Variants in RSRP1 observed in about 807,000 individuals in gnomAD.
The protein encoded by RSRP1 is arginine and serine rich protein 1, also known as arginine/serine-rich protein 1.
RSRP1 carries 37 observed loss-of-function variants against 33.0 expected under a neutral mutation model. That is an observed-to-expected ratio of 1.12 (90% CI 0.86 to 1.48). The LOEUF (loss-of-function observed/expected upper bound fraction) is 1.48. Among genes scored for constraint, RSRP1 ranks in the 40% most tolerant of loss-of-function variants. RSRP1 has a pLI of 0.00. For synonymous variants in RSRP1, 167 were observed against 158.7 expected, an observed-to-expected ratio of 1.05 and a Z score of -0.40; for missense variants, 402 against 385.3, an observed-to-expected ratio of 1.04 and a Z score of -0.36.
At chr1:25,330,854 T>G (rs1164970591) in intron 1 of RSRP1, among the ~76,000 whole-genome samples, 1 of 129,514 alleles carries the variant, frequency 7.7e-6, no homozygotes, top group African/African-American at 2.6e-5. Context: ...GCAAGGTTGG[T>G]TTCTGGTGAG....
intron 1 of RSRP1, chr1:25,253,476 C>T (rs781317221): frequency 6.6e-6 from 1 of 152,236 alleles, no homozygotes; most frequent in African/African-American, 2.4e-5. Flanking sequence ...ATTTTCCTGA[C>T]TCAGCCTCCC....
intron 1 of RSRP1, among the ~76,000 whole-genome samples, chr1:25,286,426 G>A (rs1257142085): frequency 7.4e-6 from 1 of 134,408 alleles, no homozygotes; most frequent in Non-Finnish European, 1.8e-5. Context: ...TGAGGTTGAG[G>A]CTGAGTGAGC....
chr1:25,303,393 G>A lies in RSRP1; in HGVS notation c.-67+34585C>T, dbSNP rs757342691. The A allele has an allele frequency of 1.3e-5, 18 of 1,378,668 alleles. 4 individuals carry two copies. The highest frequency in any genetic ancestry group is 7.1e-5 in the African/African-American group (5 of 70,254). The allele number at this position is 1,378,668 out of a possible 1,614,324, so 85.4% of individuals were successfully genotyped here. A position where few individuals can be genotyped will look rare whatever the true frequency, so the allele number is the denominator to read the frequency against. On this transcript the variant is annotated intron_variant, in intron 1 of 1. Transcript: ENST00000561867. ...CCTCGTGTCACCTGATCCCTTCTCC[G>A]TGGCTTGCCATGGTGCTGGGTCTTG... is the stretch of plus-strand genomic sequence containing the variant.
rs1315260888 is a variant in RSRP1 at position 25,272,828 on chromosome 1, C to T, written c.-66-25799G>A. The T allele has an allele frequency of 1.4e-5, 16 of 1,138,586 alleles. 2 individuals are homozygous for T. The highest frequency in any genetic ancestry group is 6.0e-5 in the Admixed American group (3 of 50,052). 70.5% of individuals were successfully genotyped at this position (1,138,586 alleles called of 1,614,324 possible). On this transcript the variant is annotated intron_variant, in intron 1 of 1. Transcript: ENST00000561867. Reference sequence around the variant, plus strand: ...GGAAAAAGATTCCCCCATCTTCTTCCGTAGATTGCACCGAAATTCAGCCAA... The same window carrying T: ...GGAAAAAGATTCCCCCATCTTCTTCTGTAGATTGCACCGAAATTCAGCCAA...
At chr1:25,315,748 G>C (rs1465695363) in intron 1 of RSRP1, among the ~76,000 whole-genome samples, 1 of 129,766 alleles carries the variant, frequency 7.7e-6, no homozygotes, top group African/African-American at 2.6e-5. Context: ...TGCCCGCCTC[G>C]GCCTCCCAAA....
At chr1:25,254,897 G>A (rs1439701775) in intron 1 of RSRP1, among the ~76,000 whole-genome samples, 1 of 152,186 alleles carries the variant, frequency 6.6e-6, no homozygotes, top group Non-Finnish European at 1.5e-5. Context: ...GAACCGATTG[G>A]TGCCTCTGTG....
In RSRP1 at chr1:25,330,953, CTTTTTTTTTTTT is replaced by C. The variant is rs71014353; in HGVS notation, c.-67+7013_-67+7024del. 1.5e-3 allele frequency among the ~76,000 whole-genome samples: 52 copies of C among 34,726 alleles called. No homozygotes were observed. The East Asian group carries it at 0.031, about 21-fold the overall frequency. The allele number at this position is 34,726 out of a possible 152,430, so 22.8% of individuals were successfully genotyped here. On this transcript the variant is annotated intron_variant, in intron 1 of 1. Coordinates refer to the RSRP1 transcript ENST00000561867. ...CTTTTACACTTCTGGTGTCATCTTCCTTTTTTTTTTTTTTTTTTTTTTTTTTTTGAGACAGAG... is the reference window on the plus strand; with the variant it reads ...CTTTTACACTTCTGGTGTCATCTTCCTTTTTTTTTTTTTTTTGAGACAGAG...
chr1:25,279,823 T>C lies in RSRP1; in HGVS notation c.-66-32794A>G, dbSNP rs599697. On this transcript the variant is annotated intron_variant, in intron 1 of 1. Transcript: ENST00000561867. The stretch of plus-strand genomic sequence containing the variant: ...GTAGAATGTACAATTCCCCTCTGGG[T>C]CCAGGCATGGGCGCCCGGGTAGCAC... Among the ~76,000 whole-genome samples, 23 of 130,614 alleles carry C rather than the reference T, an allele frequency of 1.8e-4. 2 individuals are homozygous for C. The highest frequency in any genetic ancestry group is 4.7e-4 in the South Asian group (2 of 4,300). 85.7% of individuals were successfully genotyped at this position (130,614 alleles called of 152,430 possible). A position where few individuals can be genotyped will look rare whatever the true frequency, so the allele number is the denominator to read the frequency against.
rs778436939 is a variant in RSRP1 at position 25,299,509 on chromosome 1, C to T, written c.-67+38469G>A. Among the ~76,000 whole-genome samples the T allele has an allele frequency of 2.5e-4, 33 of 131,944 alleles. 7 individuals carry two copies. The highest frequency in any genetic ancestry group is 1.7e-3 in the Admixed American group (23 of 13,594). 86.6% of individuals were successfully genotyped at this position (131,944 alleles called of 152,430 possible). ...CACCCAGGGTGGACTACTCCCTCCA[C>T]CCTGCCCTTGTTACACCCTGGCTGG... On this transcript the variant is annotated intron_variant, in intron 1 of 1. Coordinates refer to the RSRP1 transcript ENST00000561867.
chr1:25,271,753 T>A (rs1180987151), intron 1 of RSRP1, among the ~76,000 whole-genome samples: 1 of 131,560 alleles, frequency 7.6e-6, no homozygotes, highest in East Asian at 2.0e-4. Context: ...CTGAGGCTGG[T>A]GGCCTTCCTC....
chr1:25,277,104 C>T (rs1485170489), intron 1 of RSRP1, among the ~76,000 whole-genome samples: 2 of 132,024 alleles, frequency 1.5e-5, no homozygotes, highest in Non-Finnish European at 3.6e-5. Flanking sequence ...AACATAAAAC[C>T]CTGCCATTAG....
At chr1:25,249,100 G>C (rs185375534), upstream of RSRP1, among the ~76,000 whole-genome samples, 21 of 152,268 alleles carry the variant, frequency 1.4e-4, no homozygotes, top group Admixed American at 5.9e-4. Flanking sequence ...AGTGAGCTGA[G>C]ATTGCAACAC....
chr1:25,255,658 AAT>A (rs1234664048), intron 1 of RSRP1, among the ~76,000 whole-genome samples: 1 of 152,178 alleles, frequency 6.6e-6, no homozygotes, highest in East Asian at 1.9e-4. Flanking sequence ...TATATAATAA[AAT>A]AGTTATACAA....
chr1:25,282,074 G>A lies in RSRP1; in HGVS notation c.-66-35045C>T, dbSNP rs1337001840. 9.9e-5 allele frequency among the ~76,000 whole-genome samples: 13 copies of A among 131,424 alleles called. 4 individuals are homozygous for A. The highest frequency in any genetic ancestry group is 3.1e-4 in the African/African-American group (12 of 38,504). 86.2% of individuals were successfully genotyped at this position (131,424 alleles called of 152,430 possible). ...GATGAACAGTCACTATTTATTGAGCGTTCTCCATGTGCCAGTCACTGTACT... is the reference window on the plus strand; with the variant it reads ...GATGAACAGTCACTATTTATTGAGCATTCTCCATGTGCCAGTCACTGTACT... On this transcript the variant is annotated intron_variant, in intron 1 of 1. Transcript: ENST00000561867.
At position 25,281,992 on chromosome 1, in the gene RSRP1, A is replaced by G. The variant is rs1456504860; in HGVS notation, c.-66-34963T>C. Among the ~76,000 whole-genome samples the G allele has an allele frequency of 5.3e-5, 7 of 132,524 alleles. 1 individual carries two copies. Among genetic ancestry groups the G allele is most frequent in the Non-Finnish European group, 1.8e-5 (1 of 55,870 alleles). The allele number at this position is 132,524 out of a possible 152,430, so 86.9% of individuals were successfully genotyped here. A position where few individuals can be genotyped will look rare whatever the true frequency, so the allele number is the denominator to read the frequency against. On this transcript the variant is annotated intron_variant, in intron 1 of 1. Coordinates refer to the RSRP1 transcript ENST00000561867. ...AGAGCTTCTCATTGTTATCAAGGCC[A>G]GGGCTGGAGACCAGTGGCAGGTGAG...
rs2124121031 is a variant in RSRP1 at position 25,318,963 on chromosome 1, A to C, written c.-67+19015T>G. Among the ~76,000 whole-genome samples, 2 of 133,272 alleles carry C rather than the reference A, an allele frequency of 1.5e-5. 1 individual carries two copies. The highest frequency in any genetic ancestry group is 5.1e-5 in the African/African-American group (2 of 39,188). 87.4% of individuals were successfully genotyped at this position (133,272 alleles called of 152,430 possible). On this transcript the variant is annotated intron_variant, in intron 1 of 1. Coordinates refer to the RSRP1 transcript ENST00000561867. ...TTGCAGAGTCTTTGTGAAGAAGCAG[A>C]GGCGGAGTAGCGTTAATTCCGTAAG...
intron 1 of RSRP1, among the ~76,000 whole-genome samples, chr1:25,281,547 G>A (rs1283849750): frequency 7.6e-6 from 1 of 131,994 alleles, no homozygotes; most frequent in East Asian, 1.9e-4. Flanking sequence ...AAGCCTCACT[G>A]CTCCCGCATG....
At position 25,246,683 on chromosome 1, in the gene RSRP1, C is replaced by T. The variant is rs775920913; in HGVS notation, c.281G>A (p.Arg94Gln). The change falls in exon 2 of 5, where the codon CGA becomes CAA. Residue 94 changes from arginine (R) to glutamine (Q), a missense_variant. Physicochemically the swap from Arg to Gln is conservative, Grantham distance 43 (BLOSUM62 1). Coordinates refer to ENST00000243189, the MANE Select transcript of RSRP1 (RefSeq NM_020317.5). Reference protein sequence around the residue: ...SRSRSRSRRYRERRYGFTRRY... With the variant: ...SRSRSRSRRYQERRYGFTRRY... ...CCTGGTGAACCCGTAGCGCCTCTCT[C>T]GGTAACGGCGGCTGCGGGATCGCGA... is the stretch of plus-strand genomic sequence containing the variant. 6.2e-7 allele frequency: 1 copy of T among 1,608,756 alleles called. No homozygotes were observed. Among genetic ancestry groups the T allele is most frequent in the African/African-American group, 1.3e-5 (1 of 74,988 alleles).
chr1:25,293,714 G>A lies in RSRP1; in HGVS notation c.-67+44264C>T, dbSNP rs185679639. On this transcript the variant is annotated intron_variant, in intron 1 of 1. Coordinates refer to the RSRP1 transcript ENST00000561867. ...AGGTGGTATCTACTGACTAGAGAGG[G>A]AAGTTTTTGAAAATTAAACACTGTC... Among the ~76,000 whole-genome samples, 141 of 131,518 alleles carry A rather than the reference G, an allele frequency of 1.1e-3. 18 individuals are homozygous for A. The highest frequency in any genetic ancestry group is 3.4e-3 in the African/African-American group (132 of 38,452). The allele number at this position is 131,518 out of a possible 152,430, so 86.3% of individuals were successfully genotyped here.
Sources: gnomAD v4.1 joint callset for allele counts (sites outside exome capture counted in the v4.1 genomes callset) on GRCh38, gnomAD v4.1.1 for gene constraint, MANE v1.5 for transcripts, NCBI Gene and HGNC (gene_info 2026-07-23, HGNC 2026-07-21) for gene names.